Variants in ANKH observed in about 807,000 individuals in gnomAD.
ANKH encodes the protein mineralization regulator ANKH.
Under a neutral mutation model 49.0 loss-of-function variants are expected in ANKH, and 15 were observed. The observed-to-expected ratio is 0.31, with a 90% CI of 0.20 to 0.47. ANKH has a LOEUF of 0.47. ANKH is among the 20% of genes least tolerant of loss of function. ANKH has a pLI of 1.00. For synonymous variants in ANKH, 273 were observed against 260.0 expected (o/e 1.05, Z -0.48); for missense variants, 429 against 652.0 (o/e 0.66, Z 3.72).
At chr5:14,862,936 A>G (rs1169237719) in intron 1 of ANKH, among the ~76,000 whole-genome samples, 1 of 152,174 alleles carries the variant, frequency 6.6e-6, no homozygotes, top group Non-Finnish European at 1.5e-5. Context: ...GAAGCCACCA[A>G]AGTTACTCCT....
In ANKH at chr5:14,737,514, C is replaced by T. The variant is rs889253484; in HGVS notation, c.1011+4313G>A. Among the ~76,000 whole-genome samples, 2 of 152,238 alleles carry T rather than the reference C, an allele frequency of 1.3e-5. No homozygotes were observed. Among genetic ancestry groups the T allele is most frequent in the Non-Finnish European group, 2.9e-5 (2 of 68,040 alleles). The stretch of plus-strand genomic sequence containing the variant: ...GCACACTCACTGTCACTGTGTTCTA[C>T]AGCCAGTCACATGAGCGACAGAGAC... On this transcript the variant is annotated intron_variant, in intron 8 of 11. Transcript: ENST00000284268. This position sits in a 1 kb window ranked among gnomAD's most constrained non-coding sequence, Gnocchi z 5.0.
At chr5:14,830,251 G>C (rs1561074478) in intron 1 of ANKH, among the ~76,000 whole-genome samples, 1 of 152,142 alleles carries the variant, frequency 6.6e-6, no homozygotes, top group Non-Finnish European at 1.5e-5. Context: ...TTATTCCTGG[G>C]CTCACTGGGC....
chr5:14,771,845 T>C (rs1284809173), intron 1 of ANKH, among the ~76,000 whole-genome samples: 3 of 137,822 alleles, frequency 2.2e-5, no homozygotes, highest in African/African-American at 8.4e-5. Flanking sequence ...ACCCGGGAGG[T>C]GGAGGTTGCG....
intron 1 of ANKH, among the ~76,000 whole-genome samples, chr5:14,810,762 G>A (rs1740856610): frequency 6.6e-6 from 1 of 152,068 alleles, no homozygotes; most frequent in Admixed American, 6.6e-5. Context: ...TGAACTTTCT[G>A]TTTCTATGTT....
chr5:14,851,557 G>A (rs1388782158), intron 1 of ANKH, among the ~76,000 whole-genome samples: 1 of 152,198 alleles, frequency 6.6e-6, no homozygotes, highest in Admixed American at 6.5e-5. Flanking sequence ...GCAAGGGAAA[G>A]GCAATGTTCA....
In ANKH at chr5:14,803,872, T is replaced by C. The variant is rs150528879; in HGVS notation, c.97-34681A>G. 2.0e-3 allele frequency among the ~76,000 whole-genome samples: 302 copies of C among 152,212 alleles called. 1 individual carries two copies. Among genetic ancestry groups the C allele is most frequent in the African/African-American group, 6.8e-3 (283 of 41,554 alleles). ...CATTTGGTCCTGTGATCACCTTACA[T>C]AGCAAATTCTATTAGTTCTCTACCC... On this transcript the variant is annotated intron_variant, in intron 1 of 11. Coordinates refer to ENST00000284268, the MANE Select transcript of ANKH (RefSeq NM_054027.6).
chr5:14,773,943 T>C (rs1033137335), intron 1 of ANKH, among the ~76,000 whole-genome samples: 2 of 152,240 alleles, frequency 1.3e-5, no homozygotes, highest in African/African-American at 2.4e-5. Context: ...CTGCAAGATA[T>C]TATTGCTTGT....
intron 8 of ANKH, among the ~76,000 whole-genome samples, chr5:14,719,134 C>T (rs116398638): frequency 0.011 from 1,689 of 152,356 alleles, 18 homozygotes; most frequent in Non-Finnish European, 0.017. Flanking sequence ...CGTCACTGAA[C>T]ACAACTGGGG....
chr5:14,715,510 C>T (rs1348975081), intron 9 of ANKH, among the ~76,000 whole-genome samples: 13 of 152,096 alleles, frequency 8.5e-5, no homozygotes. Flanking sequence ...TTTGGGGAAA[C>T]CGATTTTTGA....
chr5:14,746,001 G>A (rs1738524481), intron 6 of ANKH, 39 bp from the exon 7 acceptor site: 1 of 1,559,538 alleles, frequency 6.4e-7, no homozygotes, highest in Non-Finnish European at 8.8e-7. Context: ...CAGGGTACCA[G>A]CAGGAAGTCC....
At chr5:14,766,675 G>T (rs1276096025) in intron 2 of ANKH, among the ~76,000 whole-genome samples, 3 of 152,160 alleles carry the variant, frequency 2.0e-5, no homozygotes, top group Non-Finnish European at 4.4e-5. Flanking sequence ...AGAATAGAAA[G>T]AAATTAGTTT....
intron 1 of ANKH, among the ~76,000 whole-genome samples, chr5:14,806,238 A>T (rs1421405949): frequency 5.7e-4 from 87 of 152,152 alleles, no homozygotes; most frequent in Admixed American, 5.6e-3. Flanking sequence ...CCTATGCAGC[A>T]GCTCTTGCCC....
rs56223225 is a variant in ANKH, at chr5:14,829,184, CAAAAAAAA to C, written c.96+42160_96+42167del. Among the ~76,000 whole-genome samples, 294 of 106,010 alleles carry C rather than the reference CAAAAAAAA, an allele frequency of 2.8e-3. 3 individuals carry two copies. The highest frequency in any genetic ancestry group is 5.5e-3 in the African/African-American group (158 of 28,902). The allele number at this position is 106,010 out of a possible 152,430, so 69.5% of individuals were successfully genotyped here. ...TGGGCGACAGAGAGAGACTCTGTCT[CAAAAAAAA>C]AAAAAAAAAAAAAAAAAGCAATTTC... On this transcript the variant is annotated intron_variant, in intron 1 of 11. Coordinates refer to ENST00000284268, the MANE Select transcript of ANKH (RefSeq NM_054027.6).
rs372301335 is a variant in ANKH at position 14,716,492 on chromosome 5, C to CAATA, written c.1141+210_1141+213dup. Reference sequence around the variant, plus strand: ...GGGTGACGGAATGAAACTCTGTCTCCAATAAATAAATAAATAAATAAATAA... The same window carrying CAATA: ...GGGTGACGGAATGAAACTCTGTCTCCAATAAATAAATAAATAAATAAATAAATAA... On this transcript the variant is annotated intron_variant, in intron 9 of 11. Coordinates refer to ENST00000284268, the MANE Select transcript of ANKH (RefSeq NM_054027.6). Among the ~76,000 whole-genome samples, 188 of 151,560 alleles carry CAATA rather than the reference C, an allele frequency of 1.2e-3. 1 individual carries two copies. The East Asian group carries it at 0.016, about 13-fold the overall frequency.
intron 1 of ANKH, among the ~76,000 whole-genome samples, chr5:14,832,567 G>C (rs961448600): frequency 2.6e-5 from 4 of 152,148 alleles, no homozygotes; most frequent in African/African-American, 9.7e-5. Context: ...AGAAAACACA[G>C]TATGAGAATT....
Position 14,871,514 on chromosome 5 carries a change from GGC to G in ANKH, c.-69_-68del. On this transcript the variant is annotated 5_prime_UTR_variant, in exon 1 of 12. Transcript: ENST00000284268. ...GAGGGGACTCTGCGGGGAGGCGAGG[GGC>G]GACGGGGCGACGGGGCGAGCGGGGC... 8.2e-6 allele frequency: 3 copies of G among 367,326 alleles called. No homozygotes were observed. The highest frequency in any genetic ancestry group is 7.6e-5 in the South Asian group (2 of 26,472). 22.8% of individuals were successfully genotyped at this position (367,326 alleles called of 1,614,324 possible). A position where few individuals can be genotyped will look rare whatever the true frequency, so the allele number is the denominator to read the frequency against.
chr5:14,819,929 ACACACACACATT>A (rs1056243439), intron 1 of ANKH, among the ~76,000 whole-genome samples: 1 of 144,492 alleles, frequency 6.9e-6, no homozygotes, highest in Non-Finnish European at 1.5e-5. Context: ...ACACACACAC[ACACACACACATT>A]AAGCCTAATC....
At chr5:14,712,755 G>T in intron 11 of ANKH, 119 bp downstream of exon 11, 3 of 1,000,762 alleles carry the variant, frequency 3.0e-6, no homozygotes, top group Non-Finnish European at 4.6e-6. Context: ...AGACTGGGCA[G>T]TGTCACCAAG....
At chr5:14,780,251 T>C (rs927561832) in intron 1 of ANKH, among the ~76,000 whole-genome samples, 7 of 151,928 alleles carry the variant, frequency 4.6e-5, no homozygotes, top group South Asian at 2.1e-4. Context: ...GGTTAGAAAA[T>C]AAAATCATGG....
Sources: gnomAD v4.1 joint callset for allele counts (sites outside exome capture counted in the v4.1 genomes callset) on GRCh38, gnomAD v4.1.1 for gene constraint, Gnocchi (gnomAD v3.1) non-coding constraint, MANE v1.5 for transcripts, NCBI Gene and HGNC (gene_info 2026-07-23, HGNC 2026-07-21) for gene names.